Variants in ERGIC2 observed in about 807,000 individuals in gnomAD.
ERGIC2 encodes the protein ERGIC and golgi 2.
In ERGIC2, 31 loss-of-function variants were observed where a neutral mutation model predicts 52.5. The observed-to-expected ratio is 0.59, with a 90% CI of 0.44 to 0.80. ERGIC2 has a LOEUF of 0.80. Ranked by LOEUF, ERGIC2 falls within the 30% of genes least tolerant of loss-of-function variation. ERGIC2 has a pLI of 0.00. For missense variants in ERGIC2, 395 were observed against 455.2 expected (o/e 0.87, Z 1.20); for synonymous variants, 129 against 140.6 (o/e 0.92, Z 0.58).
At chr12:29,348,948 C>A in intron 10 of ERGIC2, 131 bp downstream of exon 10, 6 of 523,438 alleles carry the variant, frequency 1.1e-5, no homozygotes, top group Non-Finnish European at 2.0e-5. Context: ...TCTTCACATA[C>A]ATCTCAATCA....
intron 13 of ERGIC2, 26 bp from the exon 14 acceptor site, chr12:29,341,244 G>T (rs754756227): frequency 1.9e-6 from 3 of 1,569,558 alleles, no homozygotes; most frequent in African/African-American, 2.7e-5. Context: ...GGGAAAAAAA[G>T]ACCAAAGAAT....
intron 1 of ERGIC2, among the ~76,000 whole-genome samples, chr12:29,373,439 G>A (rs1202709021): frequency 1.3e-5 from 2 of 152,224 alleles, no homozygotes; most frequent in East Asian, 3.9e-4. Flanking sequence ...AATGTCTCTG[G>A]AAGAGAGCAG....
At chr12:29,342,120 T>C (rs1949844436) in intron 12 of ERGIC2, among the ~76,000 whole-genome samples, 1 of 152,172 alleles carries the variant, frequency 6.6e-6, no homozygotes. Flanking sequence ...CAAGCAATTC[T>C]TGTGCTTCAG....
chr12:29,352,223 T>C (rs1940142730), intron 8 of ERGIC2, among the ~76,000 whole-genome samples: 1 of 152,198 alleles, frequency 6.6e-6, no homozygotes, highest in Admixed American at 6.5e-5. Flanking sequence ...TCAACTGTGG[T>C]ACTGTAATAC....
chr12:29,369,450 T>C (rs1940409006), intron 3 of ERGIC2, among the ~76,000 whole-genome samples: 1 of 151,980 alleles, frequency 6.6e-6, no homozygotes, highest in Non-Finnish European at 1.5e-5. Flanking sequence ...GAAGATACTA[T>C]AATTGCTGTC....
rs372735444 is a variant in ERGIC2 at position 29,371,591 on chromosome 12, C to G, written c.43G>C (p.Glu15Gln). ...NRKKTLSLVK[E>Q]LDAFPKVPES... is the part of the protein sequence containing the mutation. ...GGAACCTTCGGAAAGGCATCCAACT[C>G]TTTTACCAAACTTAAAGTTTTTTTC... Residue 15 changes from glutamate to glutamine, a missense_variant, in exon 2 of 14, where the codon GAG (glutamate) becomes CAG (glutamine). Glu to Gln is a conservative substitution (Grantham distance 29, BLOSUM62 2). Coordinates refer to ENST00000360150, the MANE Select transcript of ERGIC2 (RefSeq NM_016570.3). The G allele has an allele frequency of 2.7e-5, 44 of 1,613,590 alleles. No homozygotes were observed. The highest frequency in any genetic ancestry group is 3.6e-5 in the Non-Finnish European group (43 of 1,179,788).
chr12:29,342,972 A>G, intron 12 of ERGIC2, 148 bp downstream of exon 12: 1 of 552,080 alleles, frequency 1.8e-6, no homozygotes, highest in East Asian at 3.0e-5. Flanking sequence ...CTGGTTAGTC[A>G]ATATAATTTT....
chr12:29,366,986 C>G, intron 4 of ERGIC2, 39 bp from the exon 5 acceptor site: 1 of 1,327,606 alleles, frequency 7.5e-7, no homozygotes, highest in Non-Finnish European at 1.0e-6. Context: ...ACATTCTATG[C>G]TTGGAGGCAA....
At chr12:29,343,637 TAACTACTACCAA>T (rs1207096171) in intron 11 of ERGIC2, among the ~76,000 whole-genome samples, 3 of 152,196 alleles carry the variant, frequency 2.0e-5, no homozygotes, top group Non-Finnish European at 4.4e-5. Flanking sequence ...ATAATGAGGT[TAACTACTACCAA>T]GGGAAATTAA....
chr12:29,348,987 G>T, intron 10 of ERGIC2, 92 bp downstream of exon 10: 4 of 620,772 alleles, frequency 6.4e-6, no homozygotes, highest in South Asian at 2.0e-5. Flanking sequence ...TCTTTACACA[G>T]TAGTTAGGAA....
Position 29,339,751 on chromosome 12 carries a change from AATTT to A in ERGIC2, c.*1401_*1404del, listed in dbSNP as rs1380705212. On this transcript the variant is annotated 3_prime_UTR_variant, in exon 14 of 14. Transcript: ENST00000360150. ...TTATATTGTTTATCCTGTTTTCATA[AATTT>A]ATCTTTAAAAAAATCCATTTGAAAA... The A allele has an allele frequency of 2.6e-5, 4 of 152,032 alleles. No individual in the cohort carries two copies. Among genetic ancestry groups the A allele is most frequent in the Admixed American group, 6.6e-5 (1 of 15,260 alleles). 9.4% of individuals were successfully genotyped at this position (152,032 alleles called of 1,614,324 possible).
chr12:29,365,131 T>C (rs1409966158), intron 5 of ERGIC2, among the ~76,000 whole-genome samples: 1 of 152,006 alleles, frequency 6.6e-6, no homozygotes, highest in Non-Finnish European at 1.5e-5. Flanking sequence ...AAATAAATCA[T>C]TGTATGCAAA....
Position 29,339,769 on chromosome 12 carries a change from T to C in ERGIC2, c.*1387A>G, listed in dbSNP as rs1166663577. ...TTTCATAAATTTATCTTTAAAAAAA[T>C]CCATTTGAAAAACTGTTACTTGTGA... On this transcript the variant is annotated 3_prime_UTR_variant, in exon 14 of 14. Coordinates refer to ENST00000360150, the MANE Select transcript of ERGIC2 (RefSeq NM_016570.3). 6.6e-6 allele frequency: 1 copy of C among 152,156 alleles called. No homozygotes were observed. The highest frequency in any genetic ancestry group is 2.4e-5 in the African/African-American group (1 of 41,454). 9.4% of individuals were successfully genotyped at this position (152,156 alleles called of 1,614,324 possible). A position where few individuals can be genotyped will look rare whatever the true frequency, so the allele number is the denominator to read the frequency against.
chr12:29,370,035 CTT>C (rs1345093270), intron 3 of ERGIC2, 77 bp downstream of exon 3: 1 of 1,283,674 alleles, frequency 7.8e-7, no homozygotes, highest in African/African-American at 1.6e-5. Context: ...GAAGGTTAGA[CTT>C]TTTCTTTTTT....
At chr12:29,372,755 A>C (rs946669005) in intron 1 of ERGIC2, 2 of 151,944 alleles carry the variant, frequency 1.3e-5, no homozygotes, top group Non-Finnish European at 2.9e-5. Context: ...CCCTGGCTCA[A>C]GCGATCCTCC....
At position 29,357,812 on chromosome 12, in the gene ERGIC2, A is replaced by G. The variant is rs1024622368; in HGVS notation, c.375-88T>C. The G allele has an allele frequency of 1.2e-5, 9 of 773,686 alleles. No homozygotes were observed. The Middle Eastern group carries it at 7.9e-4, about 68-fold the overall frequency. The allele number at this position is 773,686 out of a possible 1,614,324, so 47.9% of individuals were successfully genotyped here. A position where few individuals can be genotyped will look rare whatever the true frequency, so the allele number is the denominator to read the frequency against. ...AAAAATGACAATGTTTAGCTGACTT[A>G]GTTAAATCATACATTTATTATTACA... is the stretch of plus-strand genomic sequence containing the variant. On this transcript the variant is annotated intron_variant, in intron 6 of 13. Transcript: ENST00000360150.
At chr12:29,348,736 C>G (rs1216692811) in intron 10 of ERGIC2, among the ~76,000 whole-genome samples, 1 of 151,896 alleles carries the variant, frequency 6.6e-6, no homozygotes, top group Non-Finnish European at 1.5e-5. Flanking sequence ...TAATGTTGAA[C>G]CTTTTTTTCA....
At chr12:29,356,549 T>C (rs1360120989) in intron 7 of ERGIC2, 72 bp from the exon 8 acceptor site, 5 of 768,826 alleles carry the variant, frequency 6.5e-6, no homozygotes, top group Non-Finnish European at 6.3e-6. Flanking sequence ...AAAATGTGTA[T>C]AGAAAAAAAA....
intron 9 of ERGIC2, among the ~76,000 whole-genome samples, chr12:29,349,812 G>C (rs1940106950): frequency 6.6e-6 from 1 of 151,910 alleles, no homozygotes. Flanking sequence ...AGTACACTAG[G>C]CTTTCCTCCC....
Sources: gnomAD v4.1 joint callset for allele counts (sites outside exome capture counted in the v4.1 genomes callset) on GRCh38, gnomAD v4.1.1 for gene constraint, MANE v1.5 for transcripts, NCBI Gene and HGNC (gene_info 2026-07-23, HGNC 2026-07-21) for gene names.